TBPL1: variants seen among roughly 807,000 people sequenced by gnomAD.
TBPL1 encodes TATA box-binding protein-like 1.
A neutral mutation model predicts 22.1 loss-of-function variants in TBPL1; 4 were observed. The ratio of observed to expected loss-of-function variants is 0.18; its 90% CI spans 0.09 to 0.41. The LOEUF is 0.41. Ranked by LOEUF, TBPL1 falls within the 10% of genes least tolerant of loss-of-function variation. TBPL1 has a pLI of 1.00. For synonymous variants in TBPL1, 64 were observed against 71.0 expected, an observed-to-expected ratio of 0.90 and a Z score of 0.50; for missense variants, 115 against 222.3, an observed-to-expected ratio of 0.52 and a Z score of 3.07.
intron 1 of TBPL1, among the ~76,000 whole-genome samples, chr6:133,961,348 A>G (rs1206024919): frequency 6.6e-6 from 1 of 152,036 alleles, no homozygotes; most frequent in Non-Finnish European, 1.5e-5. Context: ...GTAGACACTT[A>G]TAACACCAAC....
At chr6:133,961,167 C>T (rs1006850608) in intron 1 of TBPL1, among the ~76,000 whole-genome samples, 3 of 152,186 alleles carry the variant, frequency 2.0e-5, no homozygotes, top group Non-Finnish European at 4.4e-5. Flanking sequence ...ACTGTTTACA[C>T]TTACCTGCCC....
chr6:133,956,297 A>AG (rs1277837022), intron 1 of TBPL1, among the ~76,000 whole-genome samples: 1 of 152,206 alleles, frequency 6.6e-6, no homozygotes, highest in African/African-American at 2.4e-5. Flanking sequence ...AGATTCCCTG[A>AG]AACTTAAATC....
At chr6:133,973,577 C>T (rs764506061) in intron 1 of TBPL1, among the ~76,000 whole-genome samples, 5 of 151,984 alleles carry the variant, frequency 3.3e-5, no homozygotes, top group South Asian at 2.1e-4. Flanking sequence ...CAGAAGGTGG[C>T]GATGTTTTCC....
chr6:133,977,748 A>G (rs1776339177), intron 1 of TBPL1, among the ~76,000 whole-genome samples: 1 of 151,706 alleles, frequency 6.6e-6, no homozygotes. Flanking sequence ...ATTAAGAAGA[A>G]CAGGGATAAT....
Position 133,988,120 on chromosome 6 carries a change from A to G in TBPL1, c.*1080A>G, listed in dbSNP as rs1327129126. 1.3e-5 allele frequency: 2 copies of G among 152,248 alleles called. No homozygotes were observed. Among genetic ancestry groups the G allele is most frequent in the Non-Finnish European group, 2.9e-5 (2 of 68,056 alleles). 9.4% of individuals were successfully genotyped at this position (152,248 alleles called of 1,614,324 possible). A position where few individuals can be genotyped will look rare whatever the true frequency, so the allele number is the denominator to read the frequency against. ...GCTGCCTCTGTGCCACAGTGTAATT[A>G]TCAAATAGCCCCACTTGAATTTGAA... is the stretch of plus-strand genomic sequence containing the variant. On this transcript the variant is annotated 3_prime_UTR_variant, in exon 7 of 7. Coordinates refer to ENST00000237264, the MANE Select transcript of TBPL1 (RefSeq NM_004865.4).
rs1189707341 is a variant in TBPL1 at position 133,983,119 on chromosome 6, C to T, written c.282+239C>T. Among the ~76,000 whole-genome samples the T allele has an allele frequency of 3.3e-5, 5 of 152,306 alleles. No individual in the cohort carries two copies. The East Asian group carries it at 5.8e-4, about 18-fold the overall frequency. ...TTTCCCATAAAGAGACTTGTTTCCT[C>T]ACAAGTTAATTTCCTTTTCAACTCT... On this transcript the variant is annotated intron_variant, in intron 4 of 6. Transcript: ENST00000237264.
intron 1 of TBPL1, among the ~76,000 whole-genome samples, chr6:133,961,542 C>T (rs1776024543): frequency 6.9e-6 from 1 of 145,674 alleles, no homozygotes; most frequent in Non-Finnish European, 1.5e-5. Flanking sequence ...AATCTCGGCT[C>T]ATTGCAACCT....
At chr6:133,961,268 TCAGC>T (rs1025798624) in intron 1 of TBPL1, among the ~76,000 whole-genome samples, 11 of 152,100 alleles carry the variant, frequency 7.2e-5, no homozygotes, top group African/African-American at 2.7e-4. Context: ...TGCCAGCAAT[TCAGC>T]CAAGTTCTAA....
chr6:133,965,326 A>G (rs1378799976), intron 1 of TBPL1, among the ~76,000 whole-genome samples: 2 of 152,342 alleles, frequency 1.3e-5, no homozygotes, highest in East Asian at 3.9e-4. Flanking sequence ...GCTCAAGAAA[A>G]CAAATACCTT....
intron 1 of TBPL1, among the ~76,000 whole-genome samples, chr6:133,968,383 A>G (rs74341661): frequency 0.02 from 3,048 of 152,316 alleles, 72 homozygotes; most frequent in East Asian, 0.11. Context: ...TCATATGCCA[A>G]ATTTCTCATC....
chr6:133,979,062 T>TAG (rs1554304100), intron 1 of TBPL1, among the ~76,000 whole-genome samples: 9 of 152,216 alleles, frequency 5.9e-5, no homozygotes, highest in Non-Finnish European at 2.9e-5. Context: ...GTATAAATCA[T>TAG]AGGAGTCTCG....
intron 1 of TBPL1, among the ~76,000 whole-genome samples, chr6:133,961,934 A>G (rs1776032593): frequency 6.6e-6 from 1 of 152,032 alleles, no homozygotes; most frequent in Admixed American, 6.6e-5. Context: ...CTGCCATGAG[A>G]GTTGCTTGCC....
chr6:133,977,781 G>GC (rs112546782), intron 1 of TBPL1, among the ~76,000 whole-genome samples: 21,796 of 152,080 alleles, frequency 0.14, 2,010 homozygotes, highest in African/African-American at 0.27. Flanking sequence ...AGCGTCAGGG[G>GC]CCAGGCTGCT....
Position 133,980,122 on chromosome 6 carries a change from C to T in TBPL1, c.-4C>T. 6.6e-7 allele frequency: 1 copy of T among 1,511,996 alleles called. No homozygotes were observed. The highest frequency in any genetic ancestry group is 8.9e-7 in the Non-Finnish European group (1 of 1,129,672). The allele number at this position is 1,511,996 out of a possible 1,614,324, so 93.7% of individuals were successfully genotyped here. ...GTGGAAAGCTAAATTTTAAAACCAC[C>T]CCAATGGATGCAGACAGTGATGTTG... On this transcript the variant is annotated 5_prime_UTR_variant, in exon 2 of 7. Transcript: ENST00000237264.
chr6:133,983,084 C>G (rs2114385991), intron 4 of TBPL1, among the ~76,000 whole-genome samples: 1 of 152,280 alleles, frequency 6.6e-6, no homozygotes, highest in South Asian at 2.1e-4. Context: ...CTAGCTTTTT[C>G]CCTAATTCCT....
At chr6:133,958,114 C>G (rs1282800418) in intron 1 of TBPL1, among the ~76,000 whole-genome samples, 2 of 152,200 alleles carry the variant, frequency 1.3e-5, no homozygotes, top group Non-Finnish European at 2.9e-5. Context: ...AGAGACATCT[C>G]TGTTTCTTGG....
At chr6:133,980,622 ATAT>A (rs1299294119) in intron 2 of TBPL1, among the ~76,000 whole-genome samples, 30 of 151,574 alleles carry the variant, frequency 2.0e-4, no homozygotes, top group African/African-American at 7.2e-4. Flanking sequence ...AATTTTTATA[ATAT>A]TTTAATTGTC....
At chr6:133,975,522 A>C (rs1776297779) in intron 1 of TBPL1, among the ~76,000 whole-genome samples, 1 of 152,230 alleles carries the variant, frequency 6.6e-6, no homozygotes, top group Admixed American at 6.5e-5. Flanking sequence ...TTAAAAAAGA[A>C]AAAAGAAATA....
rs200249148 is a variant in TBPL1, at chr6:133,987,648, G to GTGTGTATATATATATA, written c.*609_*610insGTGTATATATATATAT. ...TTTGTGTGTGTGTGTGTGTGTGTGT[G>GTGTGTATATATATATA]TATATATATATATATATATGCACCA... On this transcript the variant is annotated 3_prime_UTR_variant, in exon 7 of 7. Coordinates refer to ENST00000237264, the MANE Select transcript of TBPL1 (RefSeq NM_004865.4). 2.3e-5 allele frequency: 2 copies of GTGTGTATATATATATA among 88,320 alleles called. No homozygotes were observed. Among genetic ancestry groups the GTGTGTATATATATATA allele is most frequent in the Admixed American group, 1.1e-4 (1 of 9,426 alleles). The allele number at this position is 88,320 out of a possible 1,614,324, so 5.5% of individuals were successfully genotyped here.
Sources: allele counts gnomAD v4.1 joint callset (sites outside exome capture counted in the v4.1 genomes callset), GRCh38; gene constraint gnomAD v4.1.1; transcripts MANE v1.5; gene names NCBI Gene and HGNC (gene_info 2026-07-23, HGNC 2026-07-21).